BNC2: variants seen among roughly 807,000 people sequenced by gnomAD.
BNC2 encodes zinc finger protein basonuclin-2.
A neutral mutation model predicts 76.3 loss-of-function variants in BNC2; 20 were observed. The observed-to-expected ratio is 0.26, with a 90% CI of 0.18 to 0.38. BNC2 has a LOEUF of 0.38. BNC2 is among the 10% of genes least tolerant of loss of function. BNC2 has a pLI of 1.00. For missense variants in BNC2, 1,382 were observed against 1,399.8 expected, an observed-to-expected ratio of 0.99 and a Z score of 0.20; for synonymous variants, 582 against 514.8, an observed-to-expected ratio of 1.13 and a Z score of -1.77.
At chr9:16,678,783 G>A (rs1023744592) in intron 3 of BNC2, among the ~76,000 whole-genome samples, 10 of 151,614 alleles carry the variant, frequency 6.6e-5, no homozygotes, top group African/African-American at 2.2e-4. Context: ...TCCATTTAGT[G>A]CACAAAAACT....
At chr9:16,754,012 G>C (rs539722155) in intron 1 of BNC2, among the ~76,000 whole-genome samples, 1 of 152,262 alleles carries the variant, frequency 6.6e-6, no homozygotes, top group East Asian at 1.9e-4. Flanking sequence ...GCCCAGATGG[G>C]CTCCAGCAAA....
intron 1 of BNC2, among the ~76,000 whole-genome samples, chr9:16,739,712 C>T (rs955506744): frequency 1.3e-5 from 2 of 150,890 alleles, no homozygotes; most frequent in Non-Finnish European, 1.5e-5. Context: ...ACTGGCAATA[C>T]GGCTGGAGAA....
chr9:16,560,129 T>C (rs781673168), intron 4 of BNC2, among the ~76,000 whole-genome samples: 1 of 152,156 alleles, frequency 6.6e-6, no homozygotes, highest in African/African-American at 2.4e-5. Context: ...TCCCCCAGAG[T>C]TTCTGATTCA....
intron 4 of BNC2, among the ~76,000 whole-genome samples, chr9:16,578,761 T>C (rs902231020): frequency 6.6e-6 from 1 of 152,208 alleles, no homozygotes; most frequent in Non-Finnish European, 1.5e-5. Context: ...ACTTTTGTTG[T>C]TATTGTTTTT....
At chr9:16,805,076 T>C (rs1009740616) in intron 1 of BNC2, among the ~76,000 whole-genome samples, 3 of 151,718 alleles carry the variant, frequency 2.0e-5, no homozygotes, top group Non-Finnish European at 4.4e-5. Flanking sequence ...GAAAAAAAAG[T>C]GGTGTGGGGA....
In BNC2 at chr9:16,451,259, G is replaced by T. The variant is rs115940612; in HGVS notation, c.670-13735C>A. Among the ~76,000 whole-genome samples, 718 of 152,122 alleles carry T rather than the reference G, an allele frequency of 4.7e-3. 2 individuals carry two copies. Among genetic ancestry groups the T allele is most frequent in the Middle Eastern group, 0.017 (5 of 294 alleles). ...ATCGGTGCTGGTTACAGAAATGGGG[G>T]CAATCCTGGAAGGATCAATATAAAT... On this transcript the variant is annotated intron_variant, in intron 5 of 6. Coordinates refer to ENST00000380672, the MANE Select transcript of BNC2 (RefSeq NM_017637.6).
At chr9:16,776,485 G>A (rs1478837893) in intron 1 of BNC2, among the ~76,000 whole-genome samples, 3 of 152,122 alleles carry the variant, frequency 2.0e-5, no homozygotes, top group Admixed American at 1.3e-4. Context: ...AAAATGGCTA[G>A]TACTCCTTAA....
At chr9:16,762,781 C>A (rs1454454958) in intron 1 of BNC2, among the ~76,000 whole-genome samples, 3 of 152,140 alleles carry the variant, frequency 2.0e-5, no homozygotes, top group South Asian at 2.1e-4. Context: ...GACTGTTTAG[C>A]ATTAAAAAGT....
intron 3 of BNC2, among the ~76,000 whole-genome samples, chr9:16,598,776 C>T (rs1012841816): frequency 1.1e-4 from 17 of 152,198 alleles, no homozygotes; most frequent in Admixed American, 1.1e-3. Flanking sequence ...AGACTCATCA[C>T]AGCTTAAGAG....
intron 3 of BNC2, among the ~76,000 whole-genome samples, chr9:16,619,323 C>A (rs1358247164): frequency 6.8e-6 from 1 of 147,886 alleles, no homozygotes; most frequent in African/African-American, 2.6e-5. Flanking sequence ...AAATAGTTTT[C>A]TTTAAAAACA....
chr9:16,430,854 T>A (rs1014265980), intron 6 of BNC2, among the ~76,000 whole-genome samples: 2 of 152,224 alleles, frequency 1.3e-5, no homozygotes, highest in Non-Finnish European at 2.9e-5. Context: ...CTGATCAAAC[T>A]AGCAATCGAA....
At chr9:16,427,544 G>A (rs1383539707) in intron 6 of BNC2, among the ~76,000 whole-genome samples, 1 of 152,176 alleles carries the variant, frequency 6.6e-6, no homozygotes, top group South Asian at 2.1e-4. Context: ...CTTGCCAACT[G>A]CTTCGTGTCT....
intron 1 of BNC2, among the ~76,000 whole-genome samples, chr9:16,808,769 C>G (rs1817974637): frequency 6.6e-6 from 1 of 151,824 alleles, no homozygotes; most frequent in South Asian, 2.1e-4. Context: ...CAATAAAGAT[C>G]TAAAACCTGG....
chr9:16,502,397 AT>A lies in BNC2; in HGVS notation c.669+50132del, dbSNP rs536574151. ...AAGTTTTGAATATAGGATTGGGTTA[AT>A]TTTTTTTTTTAACACAGGCTTTCCC... is the stretch of plus-strand genomic sequence containing the variant. On this transcript the variant is annotated intron_variant, in intron 5 of 6. Transcript: ENST00000380672. Among the ~76,000 whole-genome samples the A allele has an allele frequency of 3.0e-4, 44 of 148,644 alleles. 1 individual carries two copies. The highest frequency in any genetic ancestry group is 6.4e-4 in the South Asian group (3 of 4,708).
chr9:16,565,821 C>CAACA (rs1221445951), intron 4 of BNC2, among the ~76,000 whole-genome samples: 1 of 147,706 alleles, frequency 6.8e-6, no homozygotes, highest in African/African-American at 2.5e-5. Context: ...AAAAAAAAAG[C>CAACA]AACAAACAAA....
chr9:16,580,001 T>C (rs1819587342), intron 4 of BNC2: 1 of 397,752 alleles, frequency 2.5e-6, no homozygotes, highest in African/African-American at 2.1e-5. Flanking sequence ...TGCTGTTCCA[T>C]GCATTTCAGA....
At chr9:16,790,585 C>G (rs912222250) in intron 1 of BNC2, among the ~76,000 whole-genome samples, 5 of 152,184 alleles carry the variant, frequency 3.3e-5, no homozygotes, top group Non-Finnish European at 7.3e-5. Context: ...CTTCTAAGTT[C>G]AGACTTGCTT....
intron 5 of BNC2, among the ~76,000 whole-genome samples, chr9:16,506,002 C>G (rs34950291): frequency 0.053 from 8,027 of 152,234 alleles, 385 homozygotes; most frequent in African/African-American, 0.12. Context: ...TCTGGAAGCT[C>G]TTTTCACTTT....
At chr9:16,479,940 C>T (rs1416922953) in intron 5 of BNC2, among the ~76,000 whole-genome samples, 1 of 152,168 alleles carries the variant, frequency 6.6e-6, no homozygotes, top group Non-Finnish European at 1.5e-5. Context: ...TATTTGCAAG[C>T]TACTTGTGGT....
Sources: gnomAD v4.1 joint callset for allele counts (sites outside exome capture counted in the v4.1 genomes callset) on GRCh38, gnomAD v4.1.1 for gene constraint, MANE v1.5 for transcripts, NCBI Gene and HGNC (gene_info 2026-07-23, HGNC 2026-07-21) for gene names.